Variants in AIMP2 observed in about 807,000 individuals in gnomAD.
AIMP2 encodes the protein aminoacyl tRNA synthetase complex interacting multifunctional protein 2.
A neutral mutation model predicts 23.4 loss-of-function variants in AIMP2; 20 were observed. The ratio of observed to expected loss-of-function variants is 0.85; its 90% CI spans 0.60 to 1.24. The LOEUF is 1.24. AIMP2 is among the 50% of genes most tolerant of loss of function. AIMP2 has a pLI of 0.00. For synonymous variants in AIMP2, 210 were observed against 170.4 expected, an observed-to-expected ratio of 1.23 and a Z score of -1.81; for missense variants, 515 against 414.5, an observed-to-expected ratio of 1.24 and a Z score of -2.10.
intron 1 of AIMP2, among the ~76,000 whole-genome samples, chr7:6,009,888 G>C (rs1434787369): frequency 2.1e-5 from 3 of 141,406 alleles, no homozygotes; most frequent in African/African-American, 7.9e-5. Flanking sequence ...GGCGGAGTTT[G>C]CAGTGAGCTG....
At position 6,023,443 on chromosome 7, in the gene AIMP2, A is replaced by G. The variant is rs542661636; in HGVS notation, c.715A>G (p.Ile239Val). 1.7e-5 allele frequency: 28 copies of G among 1,614,190 alleles called. No individual in the cohort carries two copies. In the East Asian group the frequency reaches 5.3e-4, roughly 31 times the overall value. The change falls in exon 4 of 4, where the codon ATT (isoleucine) becomes GTT (valine). Residue 239 changes from isoleucine (I) to valine (V), a missense_variant. Transcript: ENST00000223029. Reference sequence around the variant, plus strand: ...AACCCTTATAGATAGCTGGGTAGATATTGCGATTTTTCAGTTAAAAGAGGG... The same window carrying G: ...AACCCTTATAGATAGCTGGGTAGATGTTGCGATTTTTCAGTTAAAAGAGGG... The part of the protein sequence containing the change: ...NATLIDSWVD[I>V]AIFQLKEGSS...
At chr7:6,020,241 C>T (rs574131670) in intron 3 of AIMP2, among the ~76,000 whole-genome samples, 86 of 151,462 alleles carry the variant, frequency 5.7e-4, no homozygotes, top group African/African-American at 1.9e-3. Context: ...ACCAATATGG[C>T]GAAACCCCAT....
chr7:6,016,075 T>G (rs7803611), intron 2 of AIMP2, among the ~76,000 whole-genome samples: 1 of 152,060 alleles, frequency 6.6e-6, no homozygotes, highest in Non-Finnish European at 1.5e-5. Context: ...CTTTCAGAAC[T>G]GTGACTGCCC....
At position 6,023,582 on chromosome 7, in the gene AIMP2, T is replaced by A; in HGVS notation, c.854T>A (p.Leu285His). The A allele has an allele frequency of 6.2e-7, 1 of 1,614,204 alleles. No individual in the cohort carries two copies. The change falls in exon 4 of 4, where the codon CTC (leucine) becomes CAC (histidine). Residue 285 changes from leucine (L) to histidine (H), a missense_variant. Coordinates refer to ENST00000223029, the MANE Select transcript of AIMP2 (RefSeq NM_006303.4). Reference protein sequence around the residue: ...TVADVVLWSVLQQIGGCSVTV... With the variant: ...TVADVVLWSVHQQIGGCSVTV... ...GCAGACGTGGTGCTGTGGTCTGTACTCCAGCAGATCGGAGGCTGCAGTGTG... is the reference window on the plus strand; with the variant it reads ...GCAGACGTGGTGCTGTGGTCTGTACACCAGCAGATCGGAGGCTGCAGTGTG...
At chr7:6,023,204 T>A in intron 3 of AIMP2, 99 bp from the exon 4 acceptor site, 2 of 1,347,880 alleles carry the variant, frequency 1.5e-6, no homozygotes, top group Non-Finnish European at 2.0e-6. Context: ...TCCCATGTCA[T>A]CAGTCTGTGG....
chr7:6,009,354 T>C lies in AIMP2; in HGVS notation c.-10T>C, dbSNP rs768008472. The stretch of plus-strand genomic sequence containing the variant: ...TGGCACGCGCTACCCCCTTTTGCTT[T>C]GGTTCTGCCATGCCGATGTACCAGG... On this transcript the variant is annotated 5_prime_UTR_variant, in exon 1 of 4. Coordinates refer to ENST00000223029, the MANE Select transcript of AIMP2 (RefSeq NM_006303.4). The C allele has an allele frequency of 1.3e-4, 202 of 1,611,820 alleles. 1 individual carries two copies. In the Admixed American group the frequency reaches 3.3e-3, roughly 26 times the overall value.
chr7:6,015,678 C>T (rs557477981), intron 2 of AIMP2, among the ~76,000 whole-genome samples: 2 of 152,352 alleles, frequency 1.3e-5, no homozygotes, highest in African/African-American at 2.4e-5. Flanking sequence ...GAGCGGAGAT[C>T]GCGCCACTAC....
Position 6,009,399 on chromosome 7 carries a change from C to T in AIMP2, c.36C>T (p.Gly12=), listed in dbSNP as rs1385363023. 5.0e-6 allele frequency: 8 copies of T among 1,611,506 alleles called. No individual in the cohort carries two copies. Among genetic ancestry groups the T allele is most frequent in the South Asian group, 1.1e-5 (1 of 91,006 alleles). ...PMYQVKPYHG[G]GAPLRVELPT... ...ACCAGGTAAAGCCCTATCACGGGGG[C>T]GGCGCGCCTCTCCGTGTGGAGCTTC... Residue 12 remains glycine (G), a synonymous_variant, in exon 1 of 4, where the codon GGC becomes GGT. Coordinates refer to ENST00000223029, the MANE Select transcript of AIMP2 (RefSeq NM_006303.4).
chr7:6,019,761 C>T (rs910022502), intron 3 of AIMP2, among the ~76,000 whole-genome samples: 11 of 152,078 alleles, frequency 7.2e-5, no homozygotes, highest in African/African-American at 2.4e-4. Context: ...CAGTGGCTCA[C>T]GCCTGTAATC....
rs1231114699 is a variant in AIMP2 at position 6,017,868 on chromosome 7, C to T, written c.397C>T (p.Leu133Phe). 3.1e-6 allele frequency: 5 copies of T among 1,614,142 alleles called. No individual in the cohort carries two copies. In the South Asian group the frequency reaches 4.4e-5, roughly 14 times the overall value. The change falls in exon 3 of 4, where the codon CTC becomes TTC. Residue 133 changes from leucine to phenylalanine, a missense_variant. Leu to Phe is a conservative substitution (Grantham distance 22). Coordinates refer to ENST00000223029, the MANE Select transcript of AIMP2 (RefSeq NM_006303.4). ...VINANPASPPLSLLVLHRLLC... is the reference protein window; with the variant it reads ...VINANPASPPFSLLVLHRLLC... ...CAACGCAAACCCGGCCTCCCCTCCCCTCTCCCTGCTTGTGCTGCACAGGCT... is the reference window on the plus strand; with the variant it reads ...CAACGCAAACCCGGCCTCCCCTCCCTTCTCCCTGCTTGTGCTGCACAGGCT...
intron 3 of AIMP2, chr7:6,023,005 C>T: frequency 6.6e-6 from 2 of 302,774 alleles, no homozygotes; most frequent in South Asian, 1.4e-4. Context: ...CCCTCAGCCC[C>T]CAAAACCTTA....
intron 1 of AIMP2, 121 bp downstream of exon 1, chr7:6,009,619 C>G (rs1397544312): frequency 3.3e-6 from 3 of 906,178 alleles, no homozygotes; most frequent in East Asian, 3.5e-5. Context: ...GCATCTGTGC[C>G]GGCCGGCCAG....
chr7:6,019,673 A>AGTCT (rs1406653258), intron 3 of AIMP2, among the ~76,000 whole-genome samples: 1 of 152,142 alleles, frequency 6.6e-6, no homozygotes, highest in East Asian at 1.9e-4. Context: ...ATGTACCAGA[A>AGTCT]GTCTGCAGCT....
chr7:6,020,456 G>A (rs547907400), intron 3 of AIMP2, among the ~76,000 whole-genome samples: 1 of 152,220 alleles, frequency 6.6e-6, no homozygotes, highest in African/African-American at 2.4e-5. Flanking sequence ...TTTTATGTGG[G>A]GTGCAGGATT....
intron 3 of AIMP2, among the ~76,000 whole-genome samples, chr7:6,019,657 C>G (rs140960462): frequency 0.011 from 1,611 of 152,116 alleles, 13 homozygotes; most frequent in Non-Finnish European, 0.016. Context: ...AGGTGAATTG[C>G]TTGATATGTA....
At chr7:6,012,815 G>C (rs892000625) in intron 1 of AIMP2, 3 of 1,029,992 alleles carry the variant, frequency 2.9e-6, no homozygotes, top group Admixed American at 5.0e-5. Flanking sequence ...CCCTTCCAAA[G>C]TGCTGAGATT....
chr7:6,011,614 C>G (rs1372952793), intron 1 of AIMP2, among the ~76,000 whole-genome samples: 1 of 152,180 alleles, frequency 6.6e-6, no homozygotes, highest in Non-Finnish European at 1.5e-5. Context: ...CTGCCTAGAT[C>G]AGGAGGGACA....
intron 3 of AIMP2, among the ~76,000 whole-genome samples, chr7:6,019,499 AAAAAG>A (rs1055701525): frequency 2.6e-5 from 4 of 151,558 alleles, no homozygotes; most frequent in African/African-American, 4.8e-5. Context: ...AAAAAAAAAA[AAAAAG>A]AGATCTCTTG....
chr7:6,015,377 C>T (rs563423266), intron 2 of AIMP2, 25 bp downstream of exon 2: 38 of 1,609,442 alleles, frequency 2.4e-5, no homozygotes, highest in Non-Finnish European at 2.6e-5. Flanking sequence ...AAAGCTGAAA[C>T]GTTAGTAGGT....
Sources: allele counts gnomAD v4.1 joint callset (sites outside exome capture counted in the v4.1 genomes callset), GRCh38; gene constraint gnomAD v4.1.1; transcripts MANE v1.5; gene names NCBI Gene and HGNC (gene_info 2026-07-23, HGNC 2026-07-21).